Variants in MAP1A observed in about 807,000 individuals in gnomAD.
The protein encoded by MAP1A is microtubule-associated protein 1A.
MAP1A carries 42 observed loss-of-function variants against 185.9 expected under a neutral mutation model. That is an observed-to-expected ratio of 0.23 (90% CI 0.18 to 0.29). MAP1A has a LOEUF of 0.29. Among genes scored for constraint, MAP1A ranks in the 10% least tolerant of loss-of-function variants. The pLI, the probability that MAP1A is intolerant of heterozygous loss-of-function variation, is 1.00. For missense variants in MAP1A, 2,995 were observed against 3,450.4 expected, an observed-to-expected ratio of 0.87 and a Z score of 3.31; for synonymous variants, 1,229 against 1,335.9, an observed-to-expected ratio of 0.92 and a Z score of 1.74.
Position 43,529,160 on chromosome 15 carries a change from C to G in MAP1A, c.7687C>G (p.Leu2563Val). The G allele has an allele frequency of 6.2e-7, 1 of 1,612,998 alleles. No individual in the cohort carries two copies. Among genetic ancestry groups the G allele is most frequent in the Non-Finnish European group, 8.5e-7 (1 of 1,179,772 alleles). Reference sequence around the variant, plus strand: ...CAGGCCTGGCCATGACCCACCTCCTCTCCCACAGCCAGACCCCCGCCCATC... The same window carrying G: ...CAGGCCTGGCCATGACCCACCTCCTGTCCCACAGCCAGACCCCCGCCCATC... The part of the protein sequence containing the change: ...HPRPGHDPPP[L>V]PQPDPRPSPP... The change falls in exon 4 of 6, where the codon CTC (leucine) becomes GTC (valine). Residue 2563 changes from leucine to valine, a missense_variant. Transcript: ENST00000300231. The surrounding 1 kb of genome is among the most constrained non-coding windows in gnomAD (Gnocchi z 4.3).
chr15:43,528,693 T>C lies in MAP1A; in HGVS notation c.7220T>C (p.Leu2407Pro). 6.2e-7 allele frequency: 1 copy of C among 1,613,660 alleles called. No homozygotes were observed. Among genetic ancestry groups the C allele is most frequent in the Non-Finnish European group, 8.5e-7 (1 of 1,179,958 alleles). Reference sequence around the variant, plus strand: ...AGGAGCTCCCGGCCTGACACATTGCTCTCCCCTGAGCAGCCAGTGTGTCCT... The same window carrying C: ...AGGAGCTCCCGGCCTGACACATTGCCCTCCCCTGAGCAGCCAGTGTGTCCT... The part of the protein sequence containing the change: ...AERSSRPDTL[L>P]SPEQPVCPAG... Residue 2407 changes from leucine to proline, a missense_variant, in exon 4 of 6, where the codon CTC (leucine) becomes CCC (proline). Leu to Pro is a moderately conservative substitution (Grantham distance 98, BLOSUM62 -3). Coordinates refer to ENST00000300231, the MANE Select transcript of MAP1A (RefSeq NM_002373.6).
chr15:43,521,952 G>A lies in MAP1A; in HGVS notation c.479G>A (p.Cys160Tyr). The A allele has an allele frequency of 6.2e-7, 1 of 1,614,148 alleles. No individual in the cohort carries two copies. The highest frequency in any genetic ancestry group is 1.3e-5 in the African/African-American group (1 of 75,044). Residue 160 changes from cysteine to tyrosine, a missense_variant, in exon 4 of 6, where the codon TGC becomes TAC. Cys to Tyr is a radical substitution (Grantham distance 194). Coordinates refer to ENST00000300231, the MANE Select transcript of MAP1A (RefSeq NM_002373.6). This position sits in a 1 kb window ranked among gnomAD's most constrained non-coding sequence, Gnocchi z 4.6. ...GCCAAGCGTAGCATTGAGGAGGCCT[G>A]CCTCACTCTGCAGCACTTAAACCGC... ...RKAKRSIEEA[C>Y]LTLQHLNRLG...
Position 43,530,247 on chromosome 15 carries a change from A to G in MAP1A, c.*23A>G, listed in dbSNP as rs754084435. Reference sequence around the variant, plus strand: ...TGAAAGAGCCGCCCTCCCTTCCCCAAGGATCCACTCCCCCAGCTCCTTTAG... The same window carrying G: ...TGAAAGAGCCGCCCTCCCTTCCCCAGGGATCCACTCCCCCAGCTCCTTTAG... On this transcript the variant is annotated 3_prime_UTR_variant, in exon 6 of 6. Transcript: ENST00000300231. The G allele has an allele frequency of 6.2e-7, 1 of 1,613,134 alleles. No individual in the cohort carries two copies. The highest frequency in any genetic ancestry group is 1.1e-5 in the South Asian group (1 of 90,942).
chr15:43,523,439 G>A lies in MAP1A; in HGVS notation c.1966G>A (p.Ala656Thr), dbSNP rs754580033. The A allele has an allele frequency of 1.1e-5, 17 of 1,613,788 alleles. No individual in the cohort carries two copies. In the Admixed American group the frequency reaches 2.5e-4, roughly 24 times the overall value. ...AGTAAAGGAGGATGTGATAGAAAAG[G>A]CTGAGTTAGAAGAAATGGAGGAGGT... ...PEVKEDVIEKAELEEMEEVHP... is the reference protein window; with the variant it reads ...PEVKEDVIEKTELEEMEEVHP... Residue 656 changes from alanine (A) to threonine (T), a missense_variant, in exon 4 of 6, where the codon GCT becomes ACT. Ala to Thr is a moderately conservative substitution (Grantham distance 58). Coordinates refer to ENST00000300231, the MANE Select transcript of MAP1A (RefSeq NM_002373.6).
chr15:43,527,555 T>A lies in MAP1A; in HGVS notation c.6082T>A (p.Ser2028Thr). The change falls in exon 4 of 6, where the codon TCT becomes ACT. Residue 2028 changes from serine (S) to threonine (T), a missense_variant. Physicochemically the swap from Ser to Thr is moderately conservative, Grantham distance 58. This residue lies in a region of MAP1A where 2,728 missense variants were observed against 2,986.0 expected (regional missense o/e 0.91). Coordinates refer to ENST00000300231, the MANE Select transcript of MAP1A (RefSeq NM_002373.6). ...SSPISPKSLQ[S>T]DTPTFSYAAL... ...TCCTATCTCACCCAAGAGCCTCCAG[T>A]CTGACACTCCAACCTTCAGCTATGC... is the stretch of plus-strand genomic sequence containing the variant. 9 of 1,614,000 alleles carry A rather than the reference T, an allele frequency of 5.6e-6. No individual in the cohort carries two copies. The highest frequency in any genetic ancestry group is 7.6e-6 in the Non-Finnish European group (9 of 1,179,966).
Position 43,526,518 on chromosome 15 carries a change from A to C in MAP1A, c.5045A>C (p.Tyr1682Ser), listed in dbSNP as rs1186234779. Residue 1682 changes from tyrosine to serine, a missense_variant, in exon 4 of 6, where the codon TAT becomes TCT. This residue lies in a region of MAP1A where 2,728 missense variants were observed against 2,986.0 expected (regional missense o/e 0.91). Transcript: ENST00000300231. This position sits in a 1 kb window ranked among gnomAD's most constrained non-coding sequence, Gnocchi z 4.7. ...ACATCTCCTGAGCAGGACAATAGGT[A>C]TTGGAGGGGCAGAGAGGATGTGGCC... Reference protein sequence around the residue: ...EDTSPEQDNRYWRGREDVALE... With the variant: ...EDTSPEQDNRSWRGREDVALE... The C allele has an allele frequency of 6.2e-7, 1 of 1,614,108 alleles. No homozygotes were observed. The highest frequency in any genetic ancestry group is 8.5e-7 in the Non-Finnish European group (1 of 1,180,012).
chr15:43,523,161 C>T lies in MAP1A; in HGVS notation c.1688C>T (p.Thr563Ile), dbSNP rs1417458559. The change falls in exon 4 of 6, where the codon ACT becomes ATT. Residue 563 changes from threonine (T) to isoleucine (I), a missense_variant. Thr to Ile is a moderately conservative substitution (Grantham distance 89). Coordinates refer to ENST00000300231, the MANE Select transcript of MAP1A (RefSeq NM_002373.6). ...GGAGATAAGCCATTCCCTCTAGACA[C>T]TGCAGAGGAGGGACCCCCAAGTACA... The part of the protein sequence containing the change: ...GLGDKPFPLD[T>I]AEEGPPSTAI... 1 of 1,614,124 alleles carries T rather than the reference C, an allele frequency of 6.2e-7. No homozygotes were observed. Among genetic ancestry groups the T allele is most frequent in the East Asian group, 2.2e-5 (1 of 44,876 alleles).
At position 43,530,816 on chromosome 15, in the gene MAP1A, A is replaced by C. The variant is rs1218896107; in HGVS notation, c.*592A>C. 6.4e-6 allele frequency: 1 copy of C among 155,108 alleles called. No individual in the cohort carries two copies. The highest frequency in any genetic ancestry group is 6.3e-5 in the Admixed American group (1 of 15,886). The allele number at this position is 155,108 out of a possible 1,614,324, so 9.6% of individuals were successfully genotyped here. The stretch of plus-strand genomic sequence containing the variant: ...GCTTCCCTCAGTATCTGAATGTCTC[A>C]ATTTAAAACTTGAAGCTCTTTAGAC... On this transcript the variant is annotated 3_prime_UTR_variant, in exon 6 of 6. Coordinates refer to ENST00000300231, the MANE Select transcript of MAP1A (RefSeq NM_002373.6).
In MAP1A at chr15:43,528,462, A is replaced by G. The variant is rs370900637; in HGVS notation, c.6989A>G (p.Asp2330Gly). The change falls in exon 4 of 6, where the codon GAT becomes GGT. Residue 2330 changes from aspartate to glycine, a missense_variant. Physicochemically the swap from Asp to Gly is moderately conservative, Grantham distance 94 (BLOSUM62 -1). This residue lies in a region of MAP1A where 2,728 missense variants were observed against 2,986.0 expected (regional missense o/e 0.91). Coordinates refer to ENST00000300231, the MANE Select transcript of MAP1A (RefSeq NM_002373.6). The part of the protein sequence containing the change: ...PAPSLPGDMG[D>G]GILPCHLECS... Reference sequence around the variant, plus strand: ...CCAAGCCTGCCTGGAGACATGGGTGATGGCATCCTGCCGTGCCACCTGGAG... The same window carrying G: ...CCAAGCCTGCCTGGAGACATGGGTGGTGGCATCCTGCCGTGCCACCTGGAG... The G allele has an allele frequency of 4.3e-6, 7 of 1,613,454 alleles. No individual in the cohort carries two copies. The South Asian group carries it at 6.6e-5, about 15-fold the overall frequency.
chr15:43,512,918 C>T (rs2079287150), upstream of MAP1A, among the ~76,000 whole-genome samples: 1 of 152,118 alleles, frequency 6.6e-6, no homozygotes, highest in Admixed American at 6.5e-5. Flanking sequence ...ATGCAGTTTC[C>T]CATTCTGCTG....
Position 43,525,408 on chromosome 15 carries a change from C to G in MAP1A, c.3935C>G (p.Pro1312Arg), listed in dbSNP as rs867610016. The G allele has an allele frequency of 5.0e-6, 8 of 1,614,160 alleles. No homozygotes were observed. In the Admixed American group the frequency reaches 8.3e-5, roughly 17 times the overall value. The change falls in exon 4 of 6, where the codon CCT (proline) becomes CGT (arginine). Residue 1312 changes from proline to arginine, a missense_variant. Pro to Arg is a moderately radical substitution (Grantham distance 103, BLOSUM62 -2). This residue lies in a region of MAP1A where 2,728 missense variants were observed against 2,986.0 expected (regional missense o/e 0.91). Coordinates refer to ENST00000300231, the MANE Select transcript of MAP1A (RefSeq NM_002373.6). ...TACTTACCTGGGGCGATCACAAGCC[C>G]TGATGAACACATTCTGACACCTGAT... ...GKYLPGAITS[P>R]DEHILTPDSS... is the part of the protein sequence containing the mutation.
At chr15:43,518,661 G>T (rs2079307495) in intron 1 of MAP1A, among the ~76,000 whole-genome samples, 1 of 151,352 alleles carries the variant, frequency 6.6e-6, no homozygotes, top group African/African-American at 2.4e-5. Context: ...CTGCCTCACT[G>T]CGGAGACACC....
Position 43,526,232 on chromosome 15 carries a change from G to A in MAP1A, c.4759G>A (p.Glu1587Lys). Reference protein sequence around the residue: ...QTQEQESLVQEDKTRKPKMLE... With the variant: ...QTQEQESLVQKDKTRKPKMLE... Reference sequence around the variant, plus strand: ...TCAGGAGCAGGAGAGCCTAGTGCAGGAGGATAAAACCAGGAAACCAAAGAT... The same window carrying A: ...TCAGGAGCAGGAGAGCCTAGTGCAGAAGGATAAAACCAGGAAACCAAAGAT... The change falls in exon 4 of 6, where the codon GAG becomes AAG. Residue 1587 changes from glutamate (E) to lysine (K), a missense_variant. Around this residue, in one of 3 missense-constraint regions of MAP1A, gnomAD observed 2,728 missense variants for 2,986.0 expected, o/e 0.91. Coordinates refer to ENST00000300231, the MANE Select transcript of MAP1A (RefSeq NM_002373.6). The surrounding 1 kb of genome is among the most constrained non-coding windows in gnomAD (Gnocchi z 4.7). The A allele has an allele frequency of 6.2e-7, 1 of 1,614,174 alleles. No homozygotes were observed. The highest frequency in any genetic ancestry group is 1.3e-5 in the African/African-American group (1 of 75,056).
chr15:43,526,139 T>C lies in MAP1A; in HGVS notation c.4666T>C (p.Trp1556Arg), dbSNP rs2079342545. ...KKDQALEQKY[W>R]ALGQKDEALE... Reference sequence around the variant, plus strand: ...GGATCAGGCCTTAGAACAAAAATACTGGGCTTTGGGACAGAAGGATGAAGC... The same window carrying C: ...GGATCAGGCCTTAGAACAAAAATACCGGGCTTTGGGACAGAAGGATGAAGC... The change falls in exon 4 of 6, where the codon TGG becomes CGG. Residue 1556 changes from tryptophan to arginine, a missense_variant. Physicochemically the swap from Trp to Arg is moderately radical, Grantham distance 101. Transcript: ENST00000300231. This position sits in a 1 kb window ranked among gnomAD's most constrained non-coding sequence, Gnocchi z 4.7. 1.2e-6 allele frequency: 2 copies of C among 1,613,736 alleles called. No homozygotes were observed. The highest frequency in any genetic ancestry group is 1.7e-5 in the Admixed American group (1 of 59,982).
chr15:43,530,901 C>T lies in MAP1A; in HGVS notation c.*677C>T, dbSNP rs931353299. ...CCCAGACCCTGCTTTATACCATTCA[C>T]ATCCCAGGGCTGTGTCCAGACAGCA... On this transcript the variant is annotated 3_prime_UTR_variant, in exon 6 of 6. Transcript: ENST00000300231. 2 of 152,904 alleles carry T rather than the reference C, an allele frequency of 1.3e-5. No homozygotes were observed. Among genetic ancestry groups the T allele is most frequent in the Non-Finnish European group, 1.5e-5 (1 of 68,274 alleles). 9.5% of individuals were successfully genotyped at this position (152,904 alleles called of 1,614,324 possible). A position where few individuals can be genotyped will look rare whatever the true frequency, so the allele number is the denominator to read the frequency against.
rs370480660 is a variant in MAP1A at position 43,524,571 on chromosome 15, C to G, written c.3098C>G (p.Thr1033Ser). The G allele has an allele frequency of 4.9e-5, 79 of 1,614,024 alleles. No individual in the cohort carries two copies. Among genetic ancestry groups the G allele is most frequent in the Non-Finnish European group, 6.2e-5 (73 of 1,180,032 alleles). Residue 1033 changes from threonine to serine, a missense_variant, in exon 4 of 6, where the codon ACT becomes AGT. Around this residue, in one of 3 missense-constraint regions of MAP1A, gnomAD observed 2,728 missense variants for 2,986.0 expected, o/e 0.91. Transcript: ENST00000300231. ...CAGGAGGCAGACTCCTGGGGAGACA[C>G]TAAGCGCACACCAGGTGTGGGCAAA... Reference protein sequence around the residue: ...DFQEADSWGDTKRTPGVGKED... With the variant: ...DFQEADSWGDSKRTPGVGKED...
Position 43,523,200 on chromosome 15 carries a change from C to T in MAP1A, c.1727C>T (p.Thr576Ile). 2 of 1,614,122 alleles carry T rather than the reference C, an allele frequency of 1.2e-6. No homozygotes were observed. The highest frequency in any genetic ancestry group is 1.1e-5 in the South Asian group (1 of 91,072). Reference sequence around the variant, plus strand: ...CCCCCAAGTACAGCTATCCAGGGAACACCACCCTCTGTTCCAGGGCTGGGA... The same window carrying T: ...CCCCCAAGTACAGCTATCCAGGGAATACCACCCTCTGTTCCAGGGCTGGGA... ...EGPPSTAIQG[T>I]PPSVPGLGQE... Residue 576 changes from threonine (T) to isoleucine (I), a missense_variant, in exon 4 of 6, where the codon ACA (threonine) becomes ATA (isoleucine). This residue lies in a region of MAP1A where 2,728 missense variants were observed against 2,986.0 expected (regional missense o/e 0.91). Transcript: ENST00000300231.
Position 43,528,919 on chromosome 15 carries a change from A to AGGGGGGCCAGGGACCACT in MAP1A, c.7452_7469dup (p.Gly2486_Pro2491dup), listed in dbSNP as rs1432601877. ...TAGGAAGAGGGGGGCGGCGCCGGGTAGGGGGGCCAGGGACCACTGGGGGCC... is the reference window on the plus strand; with the variant it reads ...TAGGAAGAGGGGGGCGGCGCCGGGTAGGGGGGCCAGGGACCACTGGGGGGCCAGGGACCACTGGGGGCC... On this transcript the variant is annotated inframe_insertion, in exon 4 of 6. Coordinates refer to ENST00000300231, the MANE Select transcript of MAP1A (RefSeq NM_002373.6). The AGGGGGGCCAGGGACCACT allele has an allele frequency of 1.8e-5, 29 of 1,612,720 alleles. No individual in the cohort carries two copies. Among genetic ancestry groups the AGGGGGGCCAGGGACCACT allele is most frequent in the Non-Finnish European group, 2.5e-5 (29 of 1,179,896 alleles).
In MAP1A at chr15:43,522,106, G is replaced by A; in HGVS notation, c.633G>A (p.Glu211=). 6.2e-7 allele frequency: 1 copy of A among 1,614,244 alleles called. No homozygotes were observed. The highest frequency in any genetic ancestry group is 8.5e-7 in the Non-Finnish European group (1 of 1,180,054). Residue 211 remains glutamate, a synonymous_variant, in exon 4 of 6, where the codon GAG becomes GAA. Coordinates refer to ENST00000300231, the MANE Select transcript of MAP1A (RefSeq NM_002373.6). This position sits in a 1 kb window ranked among gnomAD's most constrained non-coding sequence, Gnocchi z 5.9. Reference sequence around the variant, plus strand: ...TCAACCCTGTCAAGGACAGCAAGGAGATGCAGTTCCTCATGCAAAAGTGGG... The same window carrying A: ...TCAACCCTGTCAAGGACAGCAAGGAAATGCAGTTCCTCATGCAAAAGTGGG... ...YVLNPVKDSK[E]MQFLMQKWAG... is the part of the protein sequence containing the mutation.
Sources: allele counts gnomAD v4.1 joint callset (sites outside exome capture counted in the v4.1 genomes callset), GRCh38; gene constraint gnomAD v4.1.1; regional missense constraint gnomAD v4.1.1; non-coding constraint Gnocchi (gnomAD v3.1); transcripts MANE v1.5; gene names NCBI Gene and HGNC (gene_info 2026-07-23, HGNC 2026-07-21).